The following IL1RAPL2 variants were observed in gnomAD, a reference collection of about 807,000 sequenced individuals.
The protein encoded by IL1RAPL2 is X-linked interleukin-1 receptor accessory protein-like 2.
Under a neutral mutation model 44.1 loss-of-function variants are expected in IL1RAPL2, and 3 were observed. The ratio of observed to expected loss-of-function variants is 0.07; its 90% CI spans 0.03 to 0.18. The LOEUF is 0.18. Ranked by LOEUF, IL1RAPL2 falls within the 10% of genes least tolerant of loss-of-function variation. IL1RAPL2 has a pLI of 1.00. For synonymous variants in IL1RAPL2, 181 were observed against 178.8 expected (o/e 1.01, Z -0.10); for missense variants, 391 against 496.4 (o/e 0.79, Z 2.02).
chrX:105,173,589 G>T (rs937884363), intron 2 of IL1RAPL2, among the ~76,000 whole-genome samples: 1 of 111,312 alleles, frequency 9.0e-6, no homozygotes, highest in Non-Finnish European at 1.9e-5. Context: ...ACAAGAGGAG[G>T]CTGTGGCCTG....
intron 5 of IL1RAPL2, among the ~76,000 whole-genome samples, chrX:105,349,347 A>G (rs1044040845): frequency 1.2e-4 from 14 of 112,198 alleles, no homozygotes; most frequent in African/African-American, 4.5e-4. Context: ...CAGGCCTTGT[A>G]AGGTCTATAG....
At chrX:104,701,724 T>G in intron 2 of IL1RAPL2, among the ~76,000 whole-genome samples, 2 of 112,218 alleles carry the variant, frequency 1.8e-5, no homozygotes, top group Non-Finnish European at 3.8e-5. Flanking sequence ...GCATAAATAG[T>G]TCACATTATC....
intron 2 of IL1RAPL2, chrX:104,804,467 G>C (rs755836037): frequency 1.2e-4 from 13 of 111,564 alleles, no homozygotes; most frequent in African/African-American, 4.3e-4. Context: ...CTCCTGGTCT[G>C]CCCAAATAAG....
chrX:105,697,807 A>G (rs1182033238), intron 6 of IL1RAPL2, among the ~76,000 whole-genome samples: 3 of 111,808 alleles, frequency 2.7e-5, no homozygotes, highest in Admixed American at 9.5e-5. Context: ...TAAAATACCA[A>G]TTTATGTTAA....
intron 4 of IL1RAPL2, among the ~76,000 whole-genome samples, chrX:105,264,782 A>G (rs1388056466): frequency 8.9e-6 from 1 of 111,824 alleles, no homozygotes; most frequent in African/African-American, 3.2e-5. Flanking sequence ...GGAGCCCCAC[A>G]TTTTAACCTA....
At chrX:104,709,861 T>C (rs1275949463) in intron 2 of IL1RAPL2, among the ~76,000 whole-genome samples, 1 of 110,688 alleles carries the variant, frequency 9.0e-6, no homozygotes, top group Non-Finnish European at 1.9e-5. Flanking sequence ...TCAAAGAAGA[T>C]ACGTAAATTG....
At chrX:105,405,610 G>A (rs1171102705) in intron 5 of IL1RAPL2, 13 of 1,079,541 alleles carry the variant, frequency 1.2e-5, no homozygotes, top group Middle Eastern at 3.5e-4. Context: ...CAGGTGGGAG[G>A]GTGGCGGCTC....
intron 2 of IL1RAPL2, among the ~76,000 whole-genome samples, chrX:104,992,520 G>A (rs2030680317): frequency 9.0e-6 from 1 of 111,189 alleles, no homozygotes; most frequent in African/African-American, 3.3e-5. Context: ...GCTGCATAAT[G>A]TAGTTGGAGG....
chrX:105,318,382 A>G (rs879132435), intron 5 of IL1RAPL2, among the ~76,000 whole-genome samples: 2 of 112,074 alleles, frequency 1.8e-5, no homozygotes, highest in Admixed American at 9.4e-5. Flanking sequence ...GCCAAGTTAT[A>G]TGGTACATCC....
At chrX:104,590,191 T>C (rs1300994823) in intron 1 of IL1RAPL2, among the ~76,000 whole-genome samples, 4 of 110,925 alleles carry the variant, frequency 3.6e-5, no homozygotes, top group African/African-American at 1.3e-4. Context: ...ATTACAGGCG[T>C]GCGCCACCAT....
chrX:104,788,456 A>G (rs1355480661), intron 2 of IL1RAPL2, among the ~76,000 whole-genome samples: 1 of 112,344 alleles, frequency 8.9e-6, no homozygotes, highest in Admixed American at 9.5e-5. Context: ...ACAACTAACT[A>G]GAATCATTGG....
intron 1 of IL1RAPL2, among the ~76,000 whole-genome samples, chrX:104,615,014 T>C (rs1174304139): frequency 9.0e-6 from 1 of 111,486 alleles, no homozygotes; most frequent in African/African-American, 3.3e-5. Context: ...GAGGTTTTGA[T>C]CATATCATGA....
rs1268075297 is a variant in IL1RAPL2, at chrX:105,163,635, C to T, written c.83-31840C>T. On this transcript the variant is annotated intron_variant, in intron 2 of 10. Coordinates refer to ENST00000372582, the MANE Select transcript of IL1RAPL2 (RefSeq NM_017416.2). ...AGCAGAATCTGCAAGTATGATACCACAACAAATACATTCTGTGCTTTTTAC... is the reference window on the plus strand; with the variant it reads ...AGCAGAATCTGCAAGTATGATACCATAACAAATACATTCTGTGCTTTTTAC... Among the ~76,000 whole-genome samples the T allele has an allele frequency of 3.6e-5, 4 of 111,915 alleles. No homozygotes were observed. In the East Asian group the frequency reaches 8.4e-4, roughly 24 times the overall value.
intron 1 of IL1RAPL2, among the ~76,000 whole-genome samples, chrX:104,613,794 G>A: frequency 9.8e-6 from 1 of 102,191 alleles, no homozygotes; most frequent in Non-Finnish European, 2.0e-5. Context: ...AAATCCATCA[G>A]GTCCAGGGCA....
chrX:105,487,203 A>C (rs747785860), intron 6 of IL1RAPL2, among the ~76,000 whole-genome samples: 2 of 111,086 alleles, frequency 1.8e-5, no homozygotes, highest in African/African-American at 6.5e-5. Flanking sequence ...CTCTGCTATT[A>C]GGCACACAAC....
chrX:104,887,651 G>A (rs1923288807), intron 2 of IL1RAPL2, among the ~76,000 whole-genome samples: 1 of 111,839 alleles, frequency 8.9e-6, no homozygotes, highest in African/African-American at 3.3e-5. Flanking sequence ...ATACATACTT[G>A]TGTGGCCCTC....
intron 2 of IL1RAPL2, among the ~76,000 whole-genome samples, chrX:104,821,491 T>A (rs1921302053): frequency 2.7e-5 from 3 of 111,062 alleles, no homozygotes; most frequent in Admixed American, 1.9e-4. Flanking sequence ...TGAGAAAATG[T>A]GGTGTTTGGT....
At chrX:105,542,703 A>T (rs1281606336) in intron 6 of IL1RAPL2, among the ~76,000 whole-genome samples, 3 of 83,030 alleles carry the variant, frequency 3.6e-5, no homozygotes, top group Admixed American at 1.3e-4. Context: ...TTATTTATTT[A>T]TTTATTTATT....
chrX:104,874,027 C>T (rs1292518025), intron 2 of IL1RAPL2, among the ~76,000 whole-genome samples: 1 of 110,774 alleles, frequency 9.0e-6, no homozygotes, highest in African/African-American at 3.3e-5. Flanking sequence ...ACCCACAAAT[C>T]ACGTCCACTT....
Sources: gnomAD v4.1 joint callset for allele counts (sites outside exome capture counted in the v4.1 genomes callset) on GRCh38, gnomAD v4.1.1 for gene constraint, MANE v1.5 for transcripts, NCBI Gene and HGNC (gene_info 2026-07-23, HGNC 2026-07-21) for gene names.